Variants in SDK1 observed in about 807,000 individuals in gnomAD.
SDK1 encodes sidekick cell adhesion molecule 1, also known as protein sidekick-1.
In SDK1, 157 loss-of-function variants were observed where a neutral mutation model predicts 245.5. The observed-to-expected ratio is 0.64, with a 90% CI of 0.56 to 0.73. SDK1 has a LOEUF of 0.73. SDK1 is among the 30% of genes least tolerant of loss of function. SDK1 has a pLI of 0.00. For synonymous variants in SDK1, 1,647 were observed against 1,278.5 expected (o/e 1.29, Z -6.15); for missense variants, 3,583 against 3,002.3 (o/e 1.19, Z -4.52).
intron 1 of SDK1, among the ~76,000 whole-genome samples, chr7:3,523,574 C>G (rs1783016991): frequency 6.6e-6 from 1 of 152,052 alleles, no homozygotes; most frequent in Non-Finnish European, 1.5e-5. Context: ...TTTTCGACCC[C>G]ATACAGCCTT....
intron 1 of SDK1, among the ~76,000 whole-genome samples, chr7:3,547,747 A>G (rs1321786002): frequency 2.0e-5 from 3 of 152,178 alleles, no homozygotes; most frequent in Admixed American, 6.5e-5. Context: ...AAAGGAAGCA[A>G]TGATGGAAAA....
Position 3,981,724 on chromosome 7 carries a change from A to G in SDK1, c.1995-5462A>G, listed in dbSNP as rs532371779. Among the ~76,000 whole-genome samples the G allele has an allele frequency of 3.3e-5, 5 of 152,330 alleles. No individual in the cohort carries two copies. In the South Asian group the frequency reaches 6.2e-4, roughly 19 times the overall value. ...CCAAAGCCTAACCCAGAACAAGGCC[A>G]TAGCTCTCTTCAGTTTTGTGAAGAC... On this transcript the variant is annotated intron_variant, in intron 13 of 44. Transcript: ENST00000404826.
chr7:3,535,489 G>A (rs1778856854), intron 1 of SDK1, among the ~76,000 whole-genome samples: 1 of 152,044 alleles, frequency 6.6e-6, no homozygotes. Flanking sequence ...AGCTGGCTGG[G>A]GACCCAGCCA....
chr7:3,695,652 A>G (rs1314131482), intron 4 of SDK1, among the ~76,000 whole-genome samples: 1 of 152,224 alleles, frequency 6.6e-6, no homozygotes, highest in East Asian at 1.9e-4. Flanking sequence ...GGAGAATTAC[A>G]TTGTTAGTGC....
intron 1 of SDK1, among the ~76,000 whole-genome samples, chr7:3,322,432 G>A (rs1779840496): frequency 6.6e-6 from 1 of 152,132 alleles, no homozygotes; most frequent in Non-Finnish European, 1.5e-5. Context: ...TGTGAATAGT[G>A]TTGCTGTGAA....
intron 4 of SDK1, among the ~76,000 whole-genome samples, chr7:3,664,183 A>G (rs1257129666): frequency 1.3e-5 from 2 of 152,150 alleles, no homozygotes; most frequent in African/African-American, 2.4e-5. Context: ...TGACAAAAAC[A>G]TACATACCTT....
intron 1 of SDK1, among the ~76,000 whole-genome samples, chr7:3,545,973 CT>C (rs1172791323): frequency 6.6e-6 from 1 of 152,210 alleles, no homozygotes; most frequent in African/African-American, 2.4e-5. Context: ...GAAAGAAAGA[CT>C]TTAGTAACCT....
intron 4 of SDK1, among the ~76,000 whole-genome samples, chr7:3,794,158 AG>A (rs1778904789): frequency 6.6e-6 from 1 of 152,202 alleles, no homozygotes; most frequent in Non-Finnish European, 1.5e-5. Context: ...AGATATGCAA[AG>A]CAAGTATAAA....
intron 1 of SDK1, among the ~76,000 whole-genome samples, chr7:3,415,331 C>T (rs189965995): frequency 6.6e-6 from 1 of 152,012 alleles, no homozygotes; most frequent in Non-Finnish European, 1.5e-5. Flanking sequence ...ACGTGTAATA[C>T]TTATATAGTG....
intron 22 of SDK1, among the ~76,000 whole-genome samples, chr7:4,096,420 G>T (rs1208286243): frequency 2.0e-5 from 3 of 152,124 alleles, no homozygotes; most frequent in Admixed American, 6.5e-5. Flanking sequence ...GGGGTGTGGG[G>T]GATGGTCACT....
chr7:3,650,534 G>T (rs972356338), intron 4 of SDK1, among the ~76,000 whole-genome samples: 8 of 152,078 alleles, frequency 5.3e-5, no homozygotes, highest in South Asian at 2.1e-4. Flanking sequence ...AAGAAATAAT[G>T]TAGGGTGATT....
intron 5 of SDK1, among the ~76,000 whole-genome samples, chr7:3,889,852 C>G (rs1480208263): frequency 6.6e-6 from 1 of 152,164 alleles, no homozygotes; most frequent in Non-Finnish European, 1.5e-5. Flanking sequence ...TCAGAGGTAA[C>G]TAGTCTCCTG....
intron 7 of SDK1, chr7:3,958,133 C>T (rs1477688674): frequency 5.3e-6 from 2 of 379,348 alleles, no homozygotes; most frequent in Non-Finnish European, 5.2e-6. Context: ...TAAACCAGCT[C>T]TGGAAGACAG....
intron 2 of SDK1, among the ~76,000 whole-genome samples, chr7:3,623,850 A>C (rs1300337658): frequency 2.0e-5 from 3 of 152,208 alleles, no homozygotes; most frequent in Non-Finnish European, 4.4e-5. Context: ...TAGTTTTCTT[A>C]TGTAACCTGC....
At chr7:3,898,585 T>C (rs1781680643) in intron 5 of SDK1, among the ~76,000 whole-genome samples, 2 of 152,214 alleles carry the variant, frequency 1.3e-5, no homozygotes, top group South Asian at 4.1e-4. Flanking sequence ...CTTTTGTGTT[T>C]TACATCCTGT....
intron 4 of SDK1, among the ~76,000 whole-genome samples, chr7:3,810,275 C>T (rs6946432): frequency 0.2 from 30,844 of 152,126 alleles, 3,393 homozygotes; most frequent in Middle Eastern, 0.38. Context: ...TGGGAAGTTC[C>T]ACTGTTTAAG....
chr7:3,806,070 G>A (rs12701173), intron 4 of SDK1, among the ~76,000 whole-genome samples: 14,273 of 152,166 alleles, frequency 0.094, 1,115 homozygotes, highest in African/African-American at 0.22. Flanking sequence ...AGGAAAGACT[G>A]CAAATGCTTG....
chr7:3,358,423 T>TA (rs1259178546), intron 1 of SDK1, among the ~76,000 whole-genome samples: 3 of 126,498 alleles, frequency 2.4e-5, no homozygotes, highest in Non-Finnish European at 4.9e-5. Context: ...AGCTAATCAT[T>TA]ACAACGTTTT....
intron 19 of SDK1, among the ~76,000 whole-genome samples, chr7:4,056,959 C>G (rs1779242958): frequency 6.6e-6 from 1 of 152,198 alleles, no homozygotes; most frequent in African/African-American, 2.4e-5. Context: ...CCACTGCTGG[C>G]TGCTGCCACC....
Sources: gnomAD v4.1 joint callset for allele counts (sites outside exome capture counted in the v4.1 genomes callset) on GRCh38, gnomAD v4.1.1 for gene constraint, MANE v1.5 for transcripts, NCBI Gene and HGNC (gene_info 2026-07-23, HGNC 2026-07-21) for gene names.